The following NKAIN2 variants were observed in gnomAD, a reference collection of about 807,000 sequenced individuals.
The protein encoded by NKAIN2 is sodium/potassium transporting ATPase interacting 2, also known as sodium/potassium-transporting ATPase subunit beta-1-interacting protein 2.
NKAIN2 carries 14 observed loss-of-function variants against 32.6 expected under a neutral mutation model. That is an observed-to-expected ratio of 0.43 (90% confidence interval 0.28 to 0.67). The LOEUF is 0.67. Ranked by LOEUF, NKAIN2 falls within the 30% of genes least tolerant of loss-of-function variation. NKAIN2 has a pLI of 0.17. For missense variants in NKAIN2, 198 were observed against 258.3 expected, an observed-to-expected ratio of 0.77 and a Z score of 1.60; for synonymous variants, 80 against 87.2, an observed-to-expected ratio of 0.92 and a Z score of 0.46.
At chr6:124,052,802 T>A (rs1782470792) in intron 1 of NKAIN2, among the ~76,000 whole-genome samples, 1 of 151,992 alleles carries the variant, frequency 6.6e-6, no homozygotes, top group Non-Finnish European at 1.5e-5. Flanking sequence ...GGACAAAAAG[T>A]CTTGTATTAG....
At chr6:124,423,287 A>G (rs1051032732) in intron 3 of NKAIN2, among the ~76,000 whole-genome samples, 1 of 152,232 alleles carries the variant, frequency 6.6e-6, no homozygotes, top group Non-Finnish European at 1.5e-5. Flanking sequence ...AATGAAGCAC[A>G]GTGAGAAAAG....
At chr6:124,215,119 G>A (rs1167290873) in intron 1 of NKAIN2, among the ~76,000 whole-genome samples, 1 of 151,922 alleles carries the variant, frequency 6.6e-6, no homozygotes, top group African/African-American at 2.4e-5. Flanking sequence ...AATAATCATG[G>A]AACATAAGCA....
intron 1 of NKAIN2, among the ~76,000 whole-genome samples, chr6:123,855,276 A>G (rs1775513393): frequency 6.6e-6 from 1 of 152,202 alleles, no homozygotes; most frequent in African/African-American, 2.4e-5. Flanking sequence ...CTGTTGCAAT[A>G]CATATGACTG....
chr6:123,904,514 GACTTTT>G (rs1256710916), intron 1 of NKAIN2, among the ~76,000 whole-genome samples: 4 of 152,162 alleles, frequency 2.6e-5, no homozygotes, highest in African/African-American at 9.7e-5. Context: ...TACCCTCTCA[GACTTTT>G]GCAATGTTCA....
intron 4 of NKAIN2, among the ~76,000 whole-genome samples, chr6:124,681,393 A>G (rs1773612321): frequency 6.6e-6 from 1 of 152,012 alleles, no homozygotes; most frequent in Non-Finnish European, 1.5e-5. Context: ...TTTGGGGGTA[A>G]ATGTTATTAA....
intron 4 of NKAIN2, among the ~76,000 whole-genome samples, chr6:124,777,038 A>G (rs1779010665): frequency 6.6e-6 from 1 of 152,202 alleles, no homozygotes; most frequent in Non-Finnish European, 1.5e-5. Context: ...TACCTCTTCA[A>G]AATAAAAGAT....
chr6:124,098,788 T>C (rs1222516586), intron 1 of NKAIN2, among the ~76,000 whole-genome samples: 1 of 151,984 alleles, frequency 6.6e-6, no homozygotes, highest in Non-Finnish European at 1.5e-5. Context: ...GAGAATTGTT[T>C]GAATCCAGGA....
At chr6:124,633,010 AT>A (rs916749303) in intron 3 of NKAIN2, among the ~76,000 whole-genome samples, 9 of 151,834 alleles carry the variant, frequency 5.9e-5, no homozygotes, top group East Asian at 1.9e-4. Context: ...AGAGCATTAA[AT>A]TTTTTTTTGA....
At chr6:124,196,289 T>C (rs555825287) in intron 1 of NKAIN2, among the ~76,000 whole-genome samples, 1 of 152,072 alleles carries the variant, frequency 6.6e-6, no homozygotes, top group African/African-American at 2.4e-5. Context: ...AAAGATTATA[T>C]GACAATAACA....
At chr6:124,411,245 G>A (rs1407145790) in intron 3 of NKAIN2, among the ~76,000 whole-genome samples, 1 of 148,836 alleles carries the variant, frequency 6.7e-6, no homozygotes, top group Non-Finnish European at 1.5e-5. Context: ...TGGTTATTTT[G>A]CTCGTTAGTT....
chr6:124,260,635 G>T (rs534584794), intron 1 of NKAIN2, among the ~76,000 whole-genome samples: 30 of 152,240 alleles, frequency 2.0e-4, no homozygotes, highest in African/African-American at 7.0e-4. Flanking sequence ...GCCATTTGCA[G>T]GAGGGGTTCC....
chr6:124,381,636 T>C (rs1028600458), intron 3 of NKAIN2, among the ~76,000 whole-genome samples: 1 of 152,194 alleles, frequency 6.6e-6, no homozygotes, highest in Non-Finnish European at 1.5e-5. Flanking sequence ...CACTGAATTG[T>C]AGACTTGAAT....
chr6:124,658,486 G>C (rs1358602141), intron 4 of NKAIN2, 100 bp downstream of exon 4: 1 of 1,569,358 alleles, frequency 6.4e-7, no homozygotes, highest in Non-Finnish European at 8.6e-7. Context: ...GTAAAGTGTG[G>C]CCTTTTTGCT....
chr6:123,807,212 A>G (rs1773254131), intron 1 of NKAIN2, among the ~76,000 whole-genome samples: 1 of 152,110 alleles, frequency 6.6e-6, no homozygotes, highest in Non-Finnish European at 1.5e-5. Flanking sequence ...ATTCCATACC[A>G]TAGAGATTCA....
Position 124,116,069 on chromosome 6 carries a change from A to G in NKAIN2, c.55-166936A>G, listed in dbSNP as rs971290374. On this transcript the variant is annotated intron_variant, in intron 1 of 6. Transcript: ENST00000368417. Reference sequence around the variant, plus strand: ...ATGCCTTCTCTGAATAACTTTTCAAAGCACGTTCAGCTCTTAGAGATCAGT... The same window carrying G: ...ATGCCTTCTCTGAATAACTTTTCAAGGCACGTTCAGCTCTTAGAGATCAGT... Among the ~76,000 whole-genome samples, 5 of 152,226 alleles carry G rather than the reference A, an allele frequency of 3.3e-5. No homozygotes were observed. The South Asian group carries it at 1.0e-3, about 32-fold the overall frequency.
chr6:124,239,604 C>A (rs1469909059), intron 1 of NKAIN2, among the ~76,000 whole-genome samples: 2 of 152,158 alleles, frequency 1.3e-5, no homozygotes, highest in East Asian at 3.9e-4. Flanking sequence ...CTCAACACCA[C>A]ACAACTACAT....
chr6:124,051,286 G>A (rs994533135), intron 1 of NKAIN2, among the ~76,000 whole-genome samples: 7 of 151,970 alleles, frequency 4.6e-5, no homozygotes, highest in Admixed American at 2.6e-4. Context: ...GAAAGGGAAC[G>A]AAGCATTGTG....
At chr6:124,752,797 AAATG>A (rs1777786874) in intron 4 of NKAIN2, among the ~76,000 whole-genome samples, 1 of 152,116 alleles carries the variant, frequency 6.6e-6, no homozygotes, top group Admixed American at 6.6e-5. Flanking sequence ...TCTGCTTGTG[AAATG>A]AATGAATTCT....
chr6:123,883,615 A>G (rs1432059820), intron 1 of NKAIN2, among the ~76,000 whole-genome samples: 1 of 151,252 alleles, frequency 6.6e-6, no homozygotes, highest in Admixed American at 6.6e-5. Flanking sequence ...AGCCTTCAGA[A>G]CCACTAGCCA....
Sources: gnomAD v4.1 joint callset for allele counts (sites outside exome capture counted in the v4.1 genomes callset) on GRCh38, gnomAD v4.1.1 for gene constraint, MANE v1.5 for transcripts, NCBI Gene and HGNC (gene_info 2026-07-23, HGNC 2026-07-21) for gene names.